The following MAGI2 variants were observed in gnomAD, a reference collection of about 807,000 sequenced individuals.
MAGI2 encodes the protein membrane-associated guanylate kinase, WW and PDZ domain-containing protein 2.
A neutral mutation model predicts 133.3 loss-of-function variants in MAGI2; 35 were observed. That is an observed-to-expected ratio of 0.26 (90% confidence interval 0.20 to 0.35). The LOEUF (loss-of-function observed/expected upper bound fraction) is 0.35. Among genes scored for constraint, MAGI2 ranks in the 10% least tolerant of loss-of-function variants. The probability of loss-of-function intolerance (pLI) is 1.00; values close to 1 mark genes in which losing one functional copy is unlikely to be tolerated. For missense variants in MAGI2, 1,636 were observed against 1,863.4 expected, an observed-to-expected ratio of 0.88 and a Z score of 2.25; for synonymous variants, 729 against 710.6, an observed-to-expected ratio of 1.03 and a Z score of -0.41.
At chr7:78,973,206 C>T (rs1274310214) in intron 2 of MAGI2, among the ~76,000 whole-genome samples, 1 of 151,880 alleles carries the variant, frequency 6.6e-6, no homozygotes, top group African/African-American at 2.4e-5. Flanking sequence ...ACATTTTCCA[C>T]TCCATTTTCA....
chr7:78,583,008 C>T (rs1803002890), intron 3 of MAGI2, among the ~76,000 whole-genome samples: 1 of 152,142 alleles, frequency 6.6e-6, no homozygotes, highest in African/African-American at 2.4e-5. Context: ...ATTTAAAATT[C>T]TGTGATTCTT....
At chr7:79,116,445 C>G (rs532565795) in intron 1 of MAGI2, among the ~76,000 whole-genome samples, 2 of 152,258 alleles carry the variant, frequency 1.3e-5, no homozygotes, top group South Asian at 2.1e-4. Context: ...TTCTGTTAAA[C>G]TTTCAGGATC....
intron 1 of MAGI2, among the ~76,000 whole-genome samples, chr7:79,034,055 A>G (rs1410093509): frequency 6.6e-6 from 1 of 152,198 alleles, no homozygotes; most frequent in Non-Finnish European, 1.5e-5. Flanking sequence ...ATTGAGACAC[A>G]CTATCCTAGT....
At chr7:79,237,498 C>T (rs1245243931) in intron 1 of MAGI2, among the ~76,000 whole-genome samples, 32 of 152,168 alleles carry the variant, frequency 2.1e-4, no homozygotes, top group Admixed American at 2.1e-3. Context: ...CATGCATACA[C>T]ATGCAAACAT....
At chr7:78,763,913 T>C (rs1038017304) in intron 2 of MAGI2, among the ~76,000 whole-genome samples, 4 of 152,304 alleles carry the variant, frequency 2.6e-5, no homozygotes, top group African/African-American at 9.6e-5. Flanking sequence ...AGCTTGATAT[T>C]TTCCAGCTTC....
intron 6 of MAGI2, among the ~76,000 whole-genome samples, chr7:78,408,193 ACT>A (rs1294332485): frequency 3.9e-5 from 6 of 151,966 alleles, no homozygotes; most frequent in Admixed American, 2.0e-4. Context: ...ACAAATTGAC[ACT>A]CTGAACTACT....
chr7:78,205,009 G>T (rs187437845), intron 10 of MAGI2, among the ~76,000 whole-genome samples: 114 of 152,340 alleles, frequency 7.5e-4, no homozygotes, highest in Middle Eastern at 3.4e-3. Flanking sequence ...GATGGGCAGA[G>T]AAACAGACAC....
chr7:78,718,431 A>C (rs1470800905), intron 2 of MAGI2, among the ~76,000 whole-genome samples: 1 of 151,972 alleles, frequency 6.6e-6, no homozygotes, highest in Non-Finnish European at 1.5e-5. Flanking sequence ...CGTCATCTGT[A>C]TTTATAGCTA....
intron 2 of MAGI2, among the ~76,000 whole-genome samples, chr7:78,883,149 A>G (rs1796003948): frequency 6.6e-6 from 1 of 152,178 alleles, no homozygotes; most frequent in Non-Finnish European, 1.5e-5. Context: ...TGACTTTAGT[A>G]AACTCCTAGG....
intron 1 of MAGI2, among the ~76,000 whole-genome samples, chr7:79,089,535 CAAA>C (rs1474511979): frequency 7.2e-4 from 110 of 151,944 alleles, no homozygotes; most frequent in African/African-American, 2.6e-3. Context: ...TTTACAATAG[CAAA>C]GACTTTGAAC....
intron 1 of MAGI2, among the ~76,000 whole-genome samples, chr7:79,307,538 T>C (rs951965198): frequency 1.3e-5 from 2 of 152,138 alleles, no homozygotes; most frequent in East Asian, 1.9e-4. Flanking sequence ...TATGGGAAAA[T>C]GGTTTCCCTC....
At chr7:79,085,438 T>C (rs1391996997) in intron 1 of MAGI2, among the ~76,000 whole-genome samples, 1 of 151,928 alleles carries the variant, frequency 6.6e-6, no homozygotes, top group East Asian at 1.9e-4. Flanking sequence ...GACATATTTA[T>C]AACAGCTGGT....
intron 1 of MAGI2, among the ~76,000 whole-genome samples, chr7:79,098,691 G>A (rs1214459704): frequency 6.6e-6 from 1 of 152,052 alleles, no homozygotes; most frequent in Admixed American, 6.6e-5. Context: ...AAGAATGCTT[G>A]GGCCAGTCAA....
chr7:79,314,137 C>T (rs865783135), intron 1 of MAGI2, among the ~76,000 whole-genome samples: 4 of 152,162 alleles, frequency 2.6e-5, no homozygotes, highest in Non-Finnish European at 5.9e-5. Flanking sequence ...CCATGCCCAG[C>T]TAATTTTTAT....
rs59128867 is a variant in MAGI2 at position 79,322,835 on chromosome 7, C to G, written c.301+130185G>C. On this transcript the variant is annotated intron_variant, in intron 1 of 21. Coordinates refer to ENST00000354212, the MANE Select transcript of MAGI2 (RefSeq NM_012301.4). ...AAGAAGTCCTATGTGGATGAAATGA[C>G]TTTATATTTGTTAAACACTTAAAAT... is the stretch of plus-strand genomic sequence containing the variant. 6.7e-3 allele frequency among the ~76,000 whole-genome samples: 1,013 copies of G among 151,446 alleles called. 6 individuals carry two copies. Among genetic ancestry groups the G allele is most frequent in the African/African-American group, 0.023 (960 of 41,328 alleles).
At chr7:78,336,796 AAAG>A (rs1182992729) in intron 9 of MAGI2, among the ~76,000 whole-genome samples, 6 of 152,016 alleles carry the variant, frequency 3.9e-5, no homozygotes, top group East Asian at 3.9e-4. Context: ...AAGAAGAAAA[AAAG>A]AAGAGAAAGA....
chr7:79,013,407 A>G (rs1262166003), intron 1 of MAGI2, among the ~76,000 whole-genome samples: 1 of 152,172 alleles, frequency 6.6e-6, no homozygotes, highest in Non-Finnish European at 1.5e-5. Flanking sequence ...AAGGAAATCT[A>G]CCCATATGCT....
chr7:78,209,789 C>T (rs2049433), intron 10 of MAGI2, among the ~76,000 whole-genome samples: 134,623 of 152,134 alleles, frequency 0.88, 61,262 homozygotes, highest in Non-Finnish European at 1. Flanking sequence ...ACAGTTGAGA[C>T]GAAACGCAAA....
intron 3 of MAGI2, among the ~76,000 whole-genome samples, chr7:78,611,213 G>C (rs929141007): frequency 1.3e-5 from 2 of 152,112 alleles, no homozygotes; most frequent in African/African-American, 4.8e-5. Flanking sequence ...TCTGTGCTTG[G>C]CAACTAATAT....
Sources: gnomAD v4.1 joint callset for allele counts (sites outside exome capture counted in the v4.1 genomes callset) on GRCh38, gnomAD v4.1.1 for gene constraint, MANE v1.5 for transcripts, NCBI Gene and HGNC (gene_info 2026-07-23, HGNC 2026-07-21) for gene names.